Variants in GABRB3 observed in about 807,000 individuals in gnomAD.
GABRB3 encodes the protein gamma-aminobutyric acid type A receptor subunit beta3, also known as gamma-aminobutyric acid receptor subunit beta-3.
Under a neutral mutation model 52.1 loss-of-function variants are expected in GABRB3, and 14 were observed. That is an observed-to-expected ratio of 0.27 (90% confidence interval 0.18 to 0.42). The LOEUF is 0.42. Ranked by LOEUF, GABRB3 falls within the 10% of genes least tolerant of loss-of-function variation. The pLI, the probability that GABRB3 is intolerant of heterozygous loss-of-function variation, is 1.00. For missense variants in GABRB3, 307 were observed against 609.1 expected (o/e 0.50, Z 5.22); for synonymous variants, 260 against 232.3 (o/e 1.12, Z -1.08).
chr15:26,711,468 C>T (rs925051176), intron 3 of GABRB3, among the ~76,000 whole-genome samples: 3 of 152,282 alleles, frequency 2.0e-5, no homozygotes, highest in Non-Finnish European at 2.9e-5. Flanking sequence ...CTCCGCTCGG[C>T]CTCATATCAT....
chr15:26,559,135 A>G (rs898722271), intron 8 of GABRB3, among the ~76,000 whole-genome samples: 11 of 152,156 alleles, frequency 7.2e-5, no homozygotes, highest in Admixed American at 5.2e-4. Context: ...GGGGATTACA[A>G]TTTGACGTGA....
intron 6 of GABRB3, among the ~76,000 whole-genome samples, chr15:26,579,281 G>A (rs1270948848): frequency 1.3e-5 from 2 of 152,186 alleles, no homozygotes; most frequent in East Asian, 3.9e-4. Context: ...CGTGAGCTGT[G>A]AGCAGAGCTG....
intron 4 of GABRB3, among the ~76,000 whole-genome samples, chr15:26,605,154 C>T (rs1305434794): frequency 6.6e-6 from 1 of 152,004 alleles, no homozygotes; most frequent in Non-Finnish European, 1.5e-5. Flanking sequence ...AACAGGTATA[C>T]AAAAGGAATC....
chr15:26,657,084 G>C (rs961727564), intron 3 of GABRB3: 2 of 152,138 alleles, frequency 1.3e-5, no homozygotes, highest in African/African-American at 4.8e-5. Flanking sequence ...TGTGGTCTCT[G>C]GGAACCAATT....
intron 3 of GABRB3, among the ~76,000 whole-genome samples, chr15:26,680,625 T>A (rs1198812876): frequency 6.6e-6 from 1 of 152,204 alleles, no homozygotes; most frequent in Non-Finnish European, 1.5e-5. Flanking sequence ...ATTTACCGCA[T>A]GATTAAAAGC....
chr15:26,666,932 T>C (rs917098214), intron 3 of GABRB3, among the ~76,000 whole-genome samples: 11 of 152,116 alleles, frequency 7.2e-5, no homozygotes, highest in Non-Finnish European at 1.3e-4. Flanking sequence ...CACTCATCTC[T>C]GCCTTCTTCC....
intron 3 of GABRB3, among the ~76,000 whole-genome samples, chr15:26,635,997 G>T (rs1336084935): frequency 2.0e-5 from 3 of 152,156 alleles, no homozygotes; most frequent in Non-Finnish European, 4.4e-5. Context: ...TTTCTGAATT[G>T]CTATTAATTG....
At chr15:26,735,302 T>C (rs951189926) in intron 3 of GABRB3, among the ~76,000 whole-genome samples, 8 of 152,156 alleles carry the variant, frequency 5.3e-5, no homozygotes, top group Non-Finnish European at 4.4e-5. Context: ...GAATGTAAAA[T>C]GGTATAGCCA....
chr15:26,705,351 A>C (rs1889065527), intron 3 of GABRB3, among the ~76,000 whole-genome samples: 1 of 152,168 alleles, frequency 6.6e-6, no homozygotes, highest in African/African-American at 2.4e-5. Context: ...TAATATTATC[A>C]CATTGGCACA....
chr15:26,590,003 C>A (rs909019066), intron 4 of GABRB3, among the ~76,000 whole-genome samples: 4 of 152,110 alleles, frequency 2.6e-5, no homozygotes, highest in African/African-American at 9.7e-5. Context: ...CCTGGCTGTG[C>A]ATGGTTATGG....
At chr15:26,661,410 T>G (rs182433738) in intron 3 of GABRB3, among the ~76,000 whole-genome samples, 288 of 152,316 alleles carry the variant, frequency 1.9e-3, no homozygotes, top group Non-Finnish European at 2.1e-3. Context: ...ACACTTGGTA[T>G]CTGAGAGCCA....
chr15:26,584,590 T>C (rs1308526128), intron 4 of GABRB3, among the ~76,000 whole-genome samples: 8 of 152,234 alleles, frequency 5.3e-5, no homozygotes, highest in Non-Finnish European at 1.5e-5. Context: ...GCTAAAGCTA[T>C]GGAAATAATT....
intron 3 of GABRB3, among the ~76,000 whole-genome samples, chr15:26,629,642 G>C (rs1892855272): frequency 1.3e-5 from 2 of 152,116 alleles, no homozygotes; most frequent in Admixed American, 6.5e-5. Flanking sequence ...CCCACAAACC[G>C]AAGGTGGTAA....
chr15:26,773,037 T>TGCTGCC lies in GABRB3; in HGVS notation c.-81_-76dup. On this transcript the variant is annotated 5_prime_UTR_variant, in exon 1 of 9. Coordinates refer to ENST00000311550, the MANE Select transcript of GABRB3 (RefSeq NM_000814.6). The stretch of plus-strand genomic sequence containing the variant: ...GACCCGCAGCCGGGGCTGCTCCTGC[T>TGCTGCC]GCTGCCGCCGCCGCCGCCGCCGCCG... 5.9e-6 allele frequency: 6 copies of TGCTGCC among 1,022,088 alleles called. No homozygotes were observed. The highest frequency in any genetic ancestry group is 6.8e-6 in the Non-Finnish European group (6 of 878,492). The allele number at this position is 1,022,088 out of a possible 1,614,324, so 63.3% of individuals were successfully genotyped here.
intron 3 of GABRB3, among the ~76,000 whole-genome samples, chr15:26,717,186 C>T (rs1045869490): frequency 1.9e-4 from 29 of 149,842 alleles, no homozygotes; most frequent in Admixed American, 7.3e-4. Context: ...GACCTCCACC[C>T]TATGACAGCC....
At chr15:26,681,185 C>T (rs72706079) in intron 3 of GABRB3, among the ~76,000 whole-genome samples, 6,130 of 152,116 alleles carry the variant, frequency 0.04, 198 homozygotes, top group South Asian at 0.1. Flanking sequence ...GAAATGGATG[C>T]GATCATCCTG....
At chr15:26,746,885 G>T (rs530507613) in intron 3 of GABRB3, among the ~76,000 whole-genome samples, 2 of 152,294 alleles carry the variant, frequency 1.3e-5, no homozygotes, top group African/African-American at 4.8e-5. Flanking sequence ...AACTCAGGAG[G>T]CTGAGGCAGG....
chr15:26,576,123 A>AT (rs1277053980), intron 6 of GABRB3, among the ~76,000 whole-genome samples: 1 of 152,214 alleles, frequency 6.6e-6, no homozygotes, highest in Non-Finnish European at 1.5e-5. Flanking sequence ...GAGCTCTTTG[A>AT]TTTTTAGCTG....
chr15:26,591,000 C>G (rs933405963), intron 4 of GABRB3, among the ~76,000 whole-genome samples: 6 of 152,158 alleles, frequency 3.9e-5, no homozygotes, highest in Non-Finnish European at 7.3e-5. Flanking sequence ...GAAAGCCATG[C>G]CCAGAAGAGT....
Sources: gnomAD v4.1 joint callset for allele counts (sites outside exome capture counted in the v4.1 genomes callset) on GRCh38, gnomAD v4.1.1 for gene constraint, MANE v1.5 for transcripts, NCBI Gene and HGNC (gene_info 2026-07-23, HGNC 2026-07-21) for gene names.